Variants in BTD observed in about 807,000 individuals in gnomAD.
The protein encoded by BTD is biocytinase.
In BTD, 13 loss-of-function variants were observed where a neutral mutation model predicts 17.7. That is an observed-to-expected ratio of 0.74 (90% confidence interval 0.48 to 1.17). BTD has a LOEUF of 1.17. Among genes scored for constraint, BTD ranks in the 50% most tolerant of loss-of-function variants. The probability of loss-of-function intolerance (pLI) is 0.00; values close to 1 mark genes in which losing one functional copy is unlikely to be tolerated. For synonymous variants in BTD, 240 were observed against 245.2 expected (o/e 0.98, Z 0.20); for missense variants, 674 against 650.4 (o/e 1.04, Z -0.39).
intron 1 of BTD, chr3:15,632,539 A>G (rs1575008995): frequency 6.6e-6 from 1 of 152,390 alleles, no homozygotes; most frequent in East Asian, 1.9e-4. Context: ...AATGAAAGCA[A>G]GTACATTGCC....
chr3:15,644,244 C>A, intron 3 of BTD, 72 bp from the exon 4 acceptor site: 1 of 1,491,050 alleles, frequency 6.7e-7, no homozygotes, highest in African/African-American at 1.4e-5. Flanking sequence ...TCATGATCCA[C>A]CCGCCTCAGC....
Position 15,641,960 on chromosome 3 carries a change from C to T in BTD, c.302C>T (p.Thr101Ile), listed in dbSNP as rs761651203. ...GATGGCATTCATGGATTCAACTTTA[C>T]AAGAACATCCATTTATCCATTTTTG... is the stretch of plus-strand genomic sequence containing the variant. ...PEDGIHGFNF[T>I]RTSIYPFLDF... The change falls in exon 3 of 4, where the codon ACA (threonine) becomes ATA (isoleucine). Residue 101 changes from threonine (T) to isoleucine (I), a missense_variant. Physicochemically the swap from Thr to Ile is moderately conservative, Grantham distance 89. Coordinates refer to ENST00000643237, the MANE Select transcript of BTD (RefSeq NM_001370658.1). 1.2e-6 allele frequency: 2 copies of T among 1,613,864 alleles called. No homozygotes were observed. The highest frequency in any genetic ancestry group is 2.7e-5 in the African/African-American group (2 of 74,920).
chr3:15,676,924 T>C (rs1286397646), intron 3 of BTD: 2 of 1,476,804 alleles, frequency 1.4e-6, no homozygotes, highest in Non-Finnish European at 1.9e-6. Flanking sequence ...CATTTATCAT[T>C]TTTATAATTA....
At position 15,720,766 on chromosome 3, in the gene BTD, T is replaced by C. The variant is rs2073643104; in HGVS notation, c.1016-1004T>C. 3 of 739,404 alleles carry C rather than the reference T, an allele frequency of 4.1e-6. No individual in the cohort carries two copies. The South Asian group carries it at 6.2e-5, about 15-fold the overall frequency. 45.8% of individuals were successfully genotyped at this position (739,404 alleles called of 1,614,324 possible). On this transcript the variant is annotated intron_variant, in intron 4 of 4. Coordinates refer to the BTD transcript ENST00000672427. ...TGGAAAGAATGTACATACTCTTGAG[T>C]AAGGCTTTCACTCAGCATAATATTT...
intron 1 of BTD, chr3:15,630,163 C>A: frequency 1.3e-6 from 1 of 786,706 alleles, no homozygotes; most frequent in Non-Finnish European, 1.5e-6. Context: ...TCTTGAAAGT[C>A]AGATGCTTTC....
At chr3:15,623,357 T>C (rs2064996284) in intron 1 of BTD, among the ~76,000 whole-genome samples, 1 of 152,242 alleles carries the variant, frequency 6.6e-6, no homozygotes, top group African/African-American at 2.4e-5. Flanking sequence ...ACTGTAATGA[T>C]CTCTTGTTTC....
chr3:15,685,902 C>T (rs891117590), intron 3 of BTD: 16 of 910,360 alleles, frequency 1.8e-5, no homozygotes, highest in South Asian at 3.5e-5. Context: ...GACTATTTGA[C>T]GAACATTTAA....
intron 2 of BTD, 134 bp from the exon 3 acceptor site, chr3:15,641,774 A>G (rs957656061): frequency 1.4e-6 from 1 of 716,800 alleles, no homozygotes; most frequent in Non-Finnish European, 2.5e-6. Flanking sequence ...TAAAGACACC[A>G]TCTCTGTGCC....
chr3:15,639,252 G>C (rs1312592969), intron 2 of BTD, among the ~76,000 whole-genome samples: 2 of 149,570 alleles, frequency 1.3e-5, no homozygotes, highest in East Asian at 2.0e-4. Flanking sequence ...TAATAATCTA[G>C]TATGTATACA....
chr3:15,627,784 C>T (rs1466198885), intron 1 of BTD, among the ~76,000 whole-genome samples: 5 of 152,176 alleles, frequency 3.3e-5, no homozygotes, highest in South Asian at 2.1e-4. Flanking sequence ...TGCAATGGCA[C>T]GATCTCGGCT....
At chr3:15,701,579 G>C (rs1476340505) in intron 3 of BTD, among the ~76,000 whole-genome samples, 2 of 152,048 alleles carry the variant, frequency 1.3e-5, no homozygotes, top group Admixed American at 1.3e-4. Flanking sequence ...AGGAGGCGGA[G>C]GTTGCAGTAA....
At chr3:15,672,284 T>A (rs528122716) in intron 3 of BTD, among the ~76,000 whole-genome samples, 11 of 152,116 alleles carry the variant, frequency 7.2e-5, no homozygotes, top group African/African-American at 2.7e-4. Flanking sequence ...GCTCTGACTA[T>A]AGGCACATGC....
At chr3:15,626,425 A>G (rs1472302545) in intron 1 of BTD, among the ~76,000 whole-genome samples, 2 of 152,126 alleles carry the variant, frequency 1.3e-5, no homozygotes, top group East Asian at 3.9e-4. Flanking sequence ...CCATTACCCA[A>G]TCCTGTACTC....
chr3:15,652,783 AG>A lies in BTD; in HGVS notation c.*7297del, dbSNP rs2065826000. On this transcript the variant is annotated 3_prime_UTR_variant, in exon 4 of 4. Coordinates refer to ENST00000643237, the MANE Select transcript of BTD (RefSeq NM_001370658.1). ...CCAGCTATCCTGACTGCTCCTATAC[AG>A]GTATCTCTCCCACTATATATATATC... Among the ~76,000 whole-genome samples the A allele has an allele frequency of 6.6e-6, 1 of 152,178 alleles. No homozygotes were observed. Among genetic ancestry groups the A allele is most frequent in the Non-Finnish European group, 1.5e-5 (1 of 68,030 alleles).
intron 1 of BTD, among the ~76,000 whole-genome samples, chr3:15,622,006 C>T (rs561687309): frequency 5.7e-4 from 87 of 152,164 alleles, no homozygotes; most frequent in Non-Finnish European, 1.1e-3. Context: ...TAGTTATGTG[C>T]CCTCTTTCAT....
At chr3:15,601,656 G>A (rs1171017405), upstream of BTD, 5 of 1,553,152 alleles carry the variant, frequency 3.2e-6, no homozygotes, top group Admixed American at 9.8e-5. Flanking sequence ...AGGTGAGAAT[G>A]TAAACACGCG....
intron 3 of BTD, chr3:15,695,222 A>G: frequency 5.7e-6 from 9 of 1,572,228 alleles, no homozygotes; most frequent in Non-Finnish European, 7.8e-6. Flanking sequence ...AATCTGAAAT[A>G]AAAGTCAAAA....
intron 3 of BTD, chr3:15,669,580 A>T (rs2066164842): frequency 6.6e-6 from 1 of 152,200 alleles, no homozygotes; most frequent in Admixed American, 6.5e-5. Context: ...AAAAATTGGA[A>T]ATTTGAAATA....
At chr3:15,692,454 CA>C (rs1371527713) in intron 3 of BTD, among the ~76,000 whole-genome samples, 8 of 152,048 alleles carry the variant, frequency 5.3e-5, no homozygotes, top group African/African-American at 1.9e-4. Context: ...TGAAAAACAA[CA>C]GCAAAAATAA....
Sources: gnomAD v4.1 joint callset for allele counts (sites outside exome capture counted in the v4.1 genomes callset) on GRCh38, gnomAD v4.1.1 for gene constraint, MANE v1.5 for transcripts, NCBI Gene and HGNC (gene_info 2026-07-23, HGNC 2026-07-21) for gene names.